Variants in BEST4 observed in about 807,000 individuals in gnomAD.
BEST4 encodes the protein bestrophin-4.
Under a neutral mutation model 47.1 loss-of-function variants are expected in BEST4, and 36 were observed. That is an observed-to-expected ratio of 0.76 (90% CI 0.59 to 1.01). BEST4 has a LOEUF of 1.01. Among genes scored for constraint, BEST4 ranks in the 50% least tolerant of loss-of-function variants. BEST4 has a pLI of 0.00. For missense variants in BEST4, 550 were observed against 648.6 expected (o/e 0.85, Z 1.65); for synonymous variants, 250 against 277.8 (o/e 0.90, Z 1.00).
At chr1:44,789,699 AAAAAAG>A (rs1247526409), upstream of BEST4, among the ~76,000 whole-genome samples, 4 of 152,212 alleles carry the variant, frequency 2.6e-5, no homozygotes, top group Admixed American at 1.3e-4. Context: ...ACTTTGTCTC[AAAAAAG>A]AAAAAGAAAA....
In BEST4 at chr1:44,784,857, A is replaced by AG; in HGVS notation, c.993+47dup. The stretch of plus-strand genomic sequence containing the variant: ...GGCCGGGCTGAGAGCTGACCGGGAG[A>AG]GGGGGCCCAGGAGCTGCCCTGGACT... On this transcript the variant is annotated intron_variant, in intron 7 of 8. Transcript: ENST00000372207. This position sits in a 1 kb window ranked among gnomAD's most constrained non-coding sequence, Gnocchi z 6.2. 2 of 1,611,576 alleles carry AG rather than the reference A, an allele frequency of 1.2e-6. No individual in the cohort carries two copies. The highest frequency in any genetic ancestry group is 8.5e-7 in the Non-Finnish European group (1 of 1,178,582).
At position 44,784,349 on chromosome 1, in the gene BEST4, C is replaced by T. The variant is rs1651137040; in HGVS notation, c.1283G>A (p.Arg428Gln). ...GGTGCCTCGCACGCGGCCGAAGTTCCGGAGGCTGATGGCCGGGGAGGGCGC... is the reference window on the plus strand; with the variant it reads ...GGTGCCTCGCACGCGGCCGAAGTTCTGGAGGCTGATGGCCGGGGAGGGCGC... ...VGAPSPAISL[R>Q]NFGRVRGTPR... is the part of the protein sequence containing the mutation. The change falls in exon 9 of 9, where the codon CGG (arginine) becomes CAG (glutamine). Residue 428 changes from arginine (R) to glutamine (Q), a missense_variant. Around this residue, in one of 3 missense-constraint regions of BEST4, gnomAD observed 255 missense variants for 286.6 expected, o/e 0.89. Transcript: ENST00000372207. The surrounding 1 kb of genome is among the most constrained non-coding windows in gnomAD (Gnocchi z 6.2). 2 of 1,392,426 alleles carry T rather than the reference C, an allele frequency of 1.4e-6. No homozygotes were observed. Among genetic ancestry groups the T allele is most frequent in the Non-Finnish European group, 1.8e-6 (2 of 1,082,850 alleles). 86.3% of individuals were successfully genotyped at this position (1,392,426 alleles called of 1,614,324 possible).
chr1:44,791,828 A>G (rs1651418821), upstream of BEST4, among the ~76,000 whole-genome samples: 1 of 151,966 alleles, frequency 6.6e-6, no homozygotes, highest in East Asian at 1.9e-4. Context: ...AAGTGGTTAT[A>G]TGGCTTGGCA....
chr1:44,785,789 G>T lies in BEST4; in HGVS notation c.637-113C>A. On this transcript the variant is annotated intron_variant, in intron 4 of 8. Coordinates refer to ENST00000372207, the MANE Select transcript of BEST4 (RefSeq NM_153274.3). Reference sequence around the variant, plus strand: ...GGCTCTTTCTCATTCTGCCCTCAGAGGTGTATTAAGATGGGGTGCTTGAAT... The same window carrying T: ...GGCTCTTTCTCATTCTGCCCTCAGATGTGTATTAAGATGGGGTGCTTGAAT... 3.1e-6 allele frequency: 3 copies of T among 975,650 alleles called. No homozygotes were observed. The South Asian group carries it at 4.7e-5, about 15-fold the overall frequency. 60.4% of individuals were successfully genotyped at this position (975,650 alleles called of 1,614,324 possible).
At chr1:44,783,339 A>G (rs961194031), downstream of BEST4, among the ~76,000 whole-genome samples, 2 of 151,684 alleles carry the variant, frequency 1.3e-5, no homozygotes, top group Admixed American at 1.3e-4. Flanking sequence ...CTACCCGTAA[A>G]CTGTACTTTT....
chr1:44,792,410 G>C (rs1651434817), upstream of BEST4, among the ~76,000 whole-genome samples: 2 of 135,408 alleles, frequency 1.5e-5, no homozygotes, highest in South Asian at 2.3e-4. Flanking sequence ...CTGGGCAACA[G>C]AGCAAGACTC....
chr1:44,791,236 G>A (rs1181149355), upstream of BEST4, among the ~76,000 whole-genome samples: 1 of 150,992 alleles, frequency 6.6e-6, no homozygotes, highest in African/African-American at 2.5e-5. Flanking sequence ...GAGAGTATGT[G>A]TGTGTGTGTG....
chr1:44,788,215 A>G (rs936567715), upstream of BEST4, among the ~76,000 whole-genome samples: 4 of 152,232 alleles, frequency 2.6e-5, no homozygotes, highest in African/African-American at 9.6e-5. Context: ...TCTGCAGTCC[A>G]TAAAGTTAGG....
rs762584742 is a variant in BEST4 at position 44,784,832 on chromosome 1, G to A, written c.994-49C>T. The A allele has an allele frequency of 3.1e-6, 5 of 1,605,392 alleles. No individual in the cohort carries two copies. The highest frequency in any genetic ancestry group is 2.2e-5 in the East Asian group (1 of 44,794). On this transcript the variant is annotated intron_variant, in intron 7 of 8. Coordinates refer to ENST00000372207, the MANE Select transcript of BEST4 (RefSeq NM_153274.3). The surrounding 1 kb of genome is among the most constrained non-coding windows in gnomAD (Gnocchi z 6.2). Reference sequence around the variant, plus strand: ...GATCCTCCTCTCCTCTCCTTCCCACGGCCGGGCTGAGAGCTGACCGGGAGA... The same window carrying A: ...GATCCTCCTCTCCTCTCCTTCCCACAGCCGGGCTGAGAGCTGACCGGGAGA...
chr1:44,786,386 G>A lies in BEST4; in HGVS notation c.481+77C>T. ...TCCAGACCCTTCCCTGGAGGCCCCT[G>A]CTCCCAGGACTCTCCCAGGCGCCAC... On this transcript the variant is annotated intron_variant, in intron 3 of 8. Coordinates refer to ENST00000372207, the MANE Select transcript of BEST4 (RefSeq NM_153274.3). This position sits in a 1 kb window ranked among gnomAD's most constrained non-coding sequence, Gnocchi z 4.9. 2 of 1,432,120 alleles carry A rather than the reference G, an allele frequency of 1.4e-6. No individual in the cohort carries two copies. Among genetic ancestry groups the A allele is most frequent in the Non-Finnish European group, 9.3e-7 (1 of 1,078,120 alleles). 88.7% of individuals were successfully genotyped at this position (1,432,120 alleles called of 1,614,324 possible).
chr1:44,786,997 C>T lies in BEST4; in HGVS notation c.248-301G>A, dbSNP rs765413426. On this transcript the variant is annotated intron_variant, in intron 2 of 8. Transcript: ENST00000372207. The surrounding 1 kb of genome is among the most constrained non-coding windows in gnomAD (Gnocchi z 4.9). Reference sequence around the variant, plus strand: ...GCCCAGGGTGGGCTTGTGAGGCCAGCAGGTGTCTTGTGCCTTGCTGGAAGT... The same window carrying T: ...GCCCAGGGTGGGCTTGTGAGGCCAGTAGGTGTCTTGTGCCTTGCTGGAAGT... Among the ~76,000 whole-genome samples the T allele has an allele frequency of 2.0e-5, 3 of 152,154 alleles. No individual in the cohort carries two copies. The highest frequency in any genetic ancestry group is 4.4e-5 in the Non-Finnish European group (3 of 68,022).
In BEST4 at chr1:44,786,419, C is replaced by G. The variant is rs1651235429; in HGVS notation, c.481+44G>C. The G allele has an allele frequency of 6.8e-7, 1 of 1,462,686 alleles. No individual in the cohort carries two copies. The allele number at this position is 1,462,686 out of a possible 1,614,324, so 90.6% of individuals were successfully genotyped here. On this transcript the variant is annotated intron_variant, in intron 3 of 8. Transcript: ENST00000372207. The surrounding 1 kb of genome is among the most constrained non-coding windows in gnomAD (Gnocchi z 4.9). ...GACTCTCCCAGGCGCCACCTGCATC[C>G]GGCTGTGGGCCGGACCCCCAGAGGC...
upstream of BEST4, among the ~76,000 whole-genome samples, chr1:44,792,756 C>T (rs887469691): frequency 1.3e-5 from 2 of 151,972 alleles, no homozygotes; most frequent in Admixed American, 6.6e-5. Flanking sequence ...GGCCCAAGCA[C>T]GGTGTCCAGG....
chr1:44,786,234 G>A lies in BEST4; in HGVS notation c.482-6C>T, dbSNP rs201590874. On this transcript the variant is annotated splice_polypyrimidine_tract_variant and splice_region_variant and intron_variant, in intron 3 of 8. Coordinates refer to ENST00000372207, the MANE Select transcript of BEST4 (RefSeq NM_153274.3). This position sits in a 1 kb window ranked among gnomAD's most constrained non-coding sequence, Gnocchi z 4.9. ...CTCTTCCTGGGACATGAAACCTGAG[G>A]GGGTAAAGCAGGTGGGGTGCAGTTG... The A allele has an allele frequency of 1.9e-6, 3 of 1,609,392 alleles. No individual in the cohort carries two copies. Among genetic ancestry groups the A allele is most frequent in the African/African-American group, 2.7e-5 (2 of 74,838 alleles).
At chr1:44,789,242 C>CAAAAAAAAAAAAAAAAAAAA (rs778437528), upstream of BEST4, among the ~76,000 whole-genome samples, 1 of 61,498 alleles carries the variant, frequency 1.6e-5, no homozygotes, top group Non-Finnish European at 2.9e-5. Flanking sequence ...CCTGGGTAAT[C>CAAAAAAAAAAAAAAAAAAAA]AAAAAAAAAA....
In BEST4 at chr1:44,787,732, C is replaced by A; in HGVS notation, c.-27G>T. 1 of 1,613,066 alleles carries A rather than the reference C, an allele frequency of 6.2e-7. No homozygotes were observed. Among genetic ancestry groups the A allele is most frequent in the South Asian group, 1.1e-5 (1 of 90,984 alleles). ...GTGCTGGGAGCCTGGGGCAGGAGGTCACAAGAGTTGCCCCCAGGGCTGTCG... is the reference window on the plus strand; with the variant it reads ...GTGCTGGGAGCCTGGGGCAGGAGGTAACAAGAGTTGCCCCCAGGGCTGTCG... On this transcript the variant is annotated 5_prime_UTR_variant, in exon 1 of 9. Coordinates refer to ENST00000372207, the MANE Select transcript of BEST4 (RefSeq NM_153274.3).
chr1:44,783,781 T>G lies in BEST4; in HGVS notation c.*429A>C. On this transcript the variant is annotated 3_prime_UTR_variant, in exon 9 of 9. Transcript: ENST00000372207. ...AGCACAGCATCACCTGGGAACTTGT[T>G]AGAAATGCAAGTTATTGGGCGCCAT... 6.3e-6 allele frequency: 1 copy of G among 158,292 alleles called. No individual in the cohort carries two copies. Among genetic ancestry groups the G allele is most frequent in the Admixed American group, 6.5e-5 (1 of 15,426 alleles). 9.8% of individuals were successfully genotyped at this position (158,292 alleles called of 1,614,324 possible). A position where few individuals can be genotyped will look rare whatever the true frequency, so the allele number is the denominator to read the frequency against.
chr1:44,789,395 C>CAAA (rs35605473), upstream of BEST4, among the ~76,000 whole-genome samples: 3 of 77,072 alleles, frequency 3.9e-5, no homozygotes, highest in African/African-American at 1.5e-4. Context: ...GACTCTGTCT[C>CAAA]AAAAAAAAAA....
In BEST4 at chr1:44,784,257, T is replaced by C. The variant is rs866382385; in HGVS notation, c.1375A>G (p.Ile459Val). The C allele has an allele frequency of 6.9e-7, 1 of 1,451,790 alleles. No individual in the cohort carries two copies. Among genetic ancestry groups the C allele is most frequent in the Non-Finnish European group, 9.0e-7 (1 of 1,111,406 alleles). The allele number at this position is 1,451,790 out of a possible 1,614,324, so 89.9% of individuals were successfully genotyped here. A position where few individuals can be genotyped will look rare whatever the true frequency, so the allele number is the denominator to read the frequency against. ...EGGDPEAAAR[I>V]EEESAESGDE... is the part of the protein sequence containing the mutation. ...CCGGACTCCGCCGATTCCTCCTCGA[T>C]GCGGGCTGCGGCCTCGGGGTCGCCG... Residue 459 changes from isoleucine to valine, a missense_variant, in exon 9 of 9, where the codon ATC (isoleucine) becomes GTC (valine). By Grantham distance (29) the Ile-to-Val change is conservative. This residue lies in a region of BEST4 where 255 missense variants were observed against 286.6 expected (regional missense o/e 0.89). Transcript: ENST00000372207. This position sits in a 1 kb window ranked among gnomAD's most constrained non-coding sequence, Gnocchi z 6.2.
Sources: gnomAD v4.1 joint callset for allele counts (sites outside exome capture counted in the v4.1 genomes callset) on GRCh38, gnomAD v4.1.1 for gene constraint, gnomAD v4.1.1 regional missense constraint, Gnocchi (gnomAD v3.1) non-coding constraint, MANE v1.5 for transcripts, NCBI Gene and HGNC (gene_info 2026-07-23, HGNC 2026-07-21) for gene names.